ECT2L: variants seen among roughly 807,000 people sequenced by gnomAD.
ECT2L encodes the protein epithelial cell transforming 2 like.
ECT2L carries 126 observed loss-of-function variants against 122.8 expected under a neutral mutation model. The observed-to-expected ratio is 1.03, with a 90% CI of 0.89 to 1.19. The LOEUF (loss-of-function observed/expected upper bound fraction) is 1.19, where lower values mean the gene tolerates loss of function less well. Ranked by LOEUF, ECT2L falls within the 50% of genes most tolerant of loss-of-function variation. ECT2L has a pLI of 0.00. For missense variants in ECT2L, 1,012 were observed against 1,064.1 expected, an observed-to-expected ratio of 0.95 and a Z score of 0.68; for synonymous variants, 385 against 381.8, an observed-to-expected ratio of 1.01 and a Z score of -0.10.
intron 4 of ECT2L, among the ~76,000 whole-genome samples, chr6:138,826,040 T>TG (rs1451278753): frequency 6.6e-6 from 1 of 152,232 alleles, no homozygotes; most frequent in Admixed American, 6.5e-5. Context: ...CCAGTTCGCC[T>TG]GTTCAGCTAT....
At chr6:138,842,022 A>G (rs1405278323) in intron 5 of ECT2L, among the ~76,000 whole-genome samples, 1 of 150,962 alleles carries the variant, frequency 6.6e-6, no homozygotes, top group Non-Finnish European at 1.5e-5. Flanking sequence ...CTATTGGAAC[A>G]TTGGATAAGT....
intron 4 of ECT2L, among the ~76,000 whole-genome samples, chr6:138,817,100 G>T (rs1266368892): frequency 6.6e-6 from 1 of 152,126 alleles, no homozygotes; most frequent in Non-Finnish European, 1.5e-5. Flanking sequence ...CGTTCTCAAG[G>T]TTCATCCATT....
At chr6:138,835,571 G>C (rs1033191808) in intron 4 of ECT2L, among the ~76,000 whole-genome samples, 1 of 150,482 alleles carries the variant, frequency 6.6e-6, no homozygotes, top group African/African-American at 2.4e-5. Flanking sequence ...AAAAAAAATA[G>C]TTAACAGTTT....
chr6:138,893,192 T>C (rs1475023040), intron 20 of ECT2L, among the ~76,000 whole-genome samples: 42 of 150,606 alleles, frequency 2.8e-4, no homozygotes, highest in African/African-American at 1.0e-3. Flanking sequence ...TTTGTTTTTT[T>C]TTGTTTTTTT....
At chr6:138,816,774 C>A (rs374479388) in intron 4 of ECT2L, among the ~76,000 whole-genome samples, 7 of 152,314 alleles carry the variant, frequency 4.6e-5, no homozygotes, top group Non-Finnish European at 2.9e-5. Flanking sequence ...CATGAGCCGC[C>A]GCGCCCGGCC....
chr6:138,840,124 G>A (rs9376375), intron 5 of ECT2L, among the ~76,000 whole-genome samples: 59,519 of 151,884 alleles, frequency 0.39, 12,638 homozygotes, highest in African/African-American at 0.55. Flanking sequence ...AATTCACGAG[G>A]AAACATATTT....
intron 9 of ECT2L, 102 bp downstream of exon 9, chr6:138,849,536 G>C: frequency 8.3e-7 from 1 of 1,204,226 alleles, no homozygotes; most frequent in African/African-American, 1.6e-5. Context: ...AAGTTGCTAA[G>C]ACGTGTTGAT....
At chr6:138,857,415 G>A (rs2128396688) in intron 10 of ECT2L, among the ~76,000 whole-genome samples, 1 of 152,076 alleles carries the variant, frequency 6.6e-6, no homozygotes, top group East Asian at 1.9e-4. Context: ...AAGTTTCCAG[G>A]TGATGGTGAT....
Position 138,816,203 on chromosome 6 carries a change from G to A in ECT2L, c.179+1600G>A, listed in dbSNP as rs1306922071. On this transcript the variant is annotated intron_variant, in intron 4 of 21. Transcript: ENST00000541398. Reference sequence around the variant, plus strand: ...TTTGTGCATCATGTTCTAGGCTCACGTATCATAAACCAGGCAATTTTAGTT... The same window carrying A: ...TTTGTGCATCATGTTCTAGGCTCACATATCATAAACCAGGCAATTTTAGTT... Among the ~76,000 whole-genome samples, 3 of 152,302 alleles carry A rather than the reference G, an allele frequency of 2.0e-5. No individual in the cohort carries two copies. The South Asian group carries it at 6.2e-4, about 32-fold the overall frequency.
At chr6:138,896,507 G>A (rs1437327274) in intron 20 of ECT2L, among the ~76,000 whole-genome samples, 2 of 152,164 alleles carry the variant, frequency 1.3e-5, no homozygotes, top group African/African-American at 2.4e-5. Flanking sequence ...AAGGATACTA[G>A]ACTTTGGTCC....
chr6:138,865,011 TG>T lies in ECT2L; in HGVS notation c.1310del (p.Gly437AspfsTer28). 6.2e-7 allele frequency: 1 copy of T among 1,613,166 alleles called. No individual in the cohort carries two copies. Among genetic ancestry groups the T allele is most frequent in the East Asian group, 2.2e-5 (1 of 44,874 alleles). Reference protein sequence around the residue: ...GSYQHILSDWLGSQWGKAPSS... With the variant: ...GSYQHILSDWXGSQWGKAPSS... ...ATCATGTCAGTTCTTAGTGATTGGC[TG>T]GGATCCCAATGGGGAAAGGCCCCCT... On this transcript the variant is annotated frameshift_variant, in exon 12 of 22. Coordinates refer to ENST00000541398, the MANE Select transcript of ECT2L (RefSeq NM_001077706.3). LOFTEE classifies it high-confidence loss of function.
Position 138,816,876 on chromosome 6 carries a change from G to A in ECT2L, c.179+2273G>A, listed in dbSNP as rs192577686. Among the ~76,000 whole-genome samples the A allele has an allele frequency of 2.0e-3, 304 of 152,262 alleles. 1 individual carries two copies. Among genetic ancestry groups the A allele is most frequent in the African/African-American group, 6.8e-3 (283 of 41,544 alleles). ...GGTTCCGGTACATTCACAGAGTTGT[G>A]TGATCATCATCACATGTTAAGTTTA... On this transcript the variant is annotated intron_variant, in intron 4 of 21. Transcript: ENST00000541398.
intron 12 of ECT2L, among the ~76,000 whole-genome samples, chr6:138,865,716 A>G (rs1778011143): frequency 1.3e-5 from 2 of 152,202 alleles, no homozygotes; most frequent in African/African-American, 2.4e-5. Flanking sequence ...AAAACAATTT[A>G]CTTCCTCAAC....
intron 1 of ECT2L, among the ~76,000 whole-genome samples, chr6:138,806,600 C>T (rs1029498976): frequency 2.0e-5 from 3 of 150,914 alleles, no homozygotes; most frequent in African/African-American, 7.4e-5. Context: ...GCCACCTCCA[C>T]CTCCCAGGTT....
At chr6:138,805,951 G>A (rs983985380) in intron 1 of ECT2L, among the ~76,000 whole-genome samples, 2 of 152,176 alleles carry the variant, frequency 1.3e-5, no homozygotes, top group Middle Eastern at 3.2e-3. Flanking sequence ...ATTGTTCCTG[G>A]CCATGTGCAC....
rs144113231 is a variant in ECT2L, at chr6:138,814,652, G to T, written c.179+49G>T. ...TTAACATTGATTCTTAAAGAAAACC[G>T]TATATAAATGTTTATATAACCTTTA... On this transcript the variant is annotated intron_variant, in intron 4 of 21. Transcript: ENST00000541398. 9.7e-6 allele frequency: 11 copies of T among 1,139,598 alleles called. No individual in the cohort carries two copies. The South Asian group carries it at 1.4e-4, about 15-fold the overall frequency. 70.6% of individuals were successfully genotyped at this position (1,139,598 alleles called of 1,614,324 possible).
intron 10 of ECT2L, among the ~76,000 whole-genome samples, chr6:138,855,414 C>A (rs1032513236): frequency 9.2e-5 from 14 of 152,040 alleles, no homozygotes; most frequent in Middle Eastern, 3.2e-3. Flanking sequence ...GAGGCTGAGG[C>A]AGGAGAATCA....
At chr6:138,804,659 A>G (rs1472210022) in intron 1 of ECT2L, among the ~76,000 whole-genome samples, 1 of 152,138 alleles carries the variant, frequency 6.6e-6, no homozygotes, top group Non-Finnish European at 1.5e-5. Context: ...CTGTAGATCA[A>G]GTTGAGGGAG....
chr6:138,848,945 G>A (rs1026144428), intron 8 of ECT2L, among the ~76,000 whole-genome samples: 2 of 152,144 alleles, frequency 1.3e-5, no homozygotes, highest in Admixed American at 6.5e-5. Flanking sequence ...GTAAGCCACT[G>A]TGCTTGGCCA....
Sources: gnomAD v4.1 joint callset for allele counts (sites outside exome capture counted in the v4.1 genomes callset) on GRCh38, gnomAD v4.1.1 for gene constraint, MANE v1.5 for transcripts, NCBI Gene and HGNC (gene_info 2026-07-23, HGNC 2026-07-21) for gene names.